SDK2: variants seen among roughly 807,000 people sequenced by gnomAD.
SDK2 encodes the protein protein sidekick-2.
Under a neutral mutation model 253.9 loss-of-function variants are expected in SDK2, and 105 were observed. The ratio of observed to expected loss-of-function variants is 0.41; its 90% CI spans 0.35 to 0.49. The LOEUF is 0.49. Ranked by LOEUF, SDK2 falls within the 20% of genes least tolerant of loss-of-function variation. The pLI is 0.06. For synonymous variants in SDK2, 1,249 were observed against 1,234.9 expected (o/e 1.01, Z -0.24); for missense variants, 2,608 against 3,003.0 (o/e 0.87, Z 3.07).
chr17:73,574,418 T>TGAACATGTGTACGTGCAC (rs139534026), intron 1 of SDK2, among the ~76,000 whole-genome samples: 25,855 of 152,250 alleles, frequency 0.17, 2,332 homozygotes, highest in African/African-American at 0.19. Flanking sequence ...ATCACGTGCA[T>TGAACATGTGTACGTGCAC]GCACATGTGT....
At chr17:73,417,737 C>A (rs150488039) in intron 16 of SDK2, among the ~76,000 whole-genome samples, 1 of 152,060 alleles carries the variant, frequency 6.6e-6, no homozygotes, top group Non-Finnish European at 1.5e-5. Flanking sequence ...GAAAGTTACT[C>A]GCCCAGGTGG....
intron 1 of SDK2, among the ~76,000 whole-genome samples, chr17:73,626,874 G>A (rs930133845): frequency 1.3e-5 from 2 of 152,208 alleles, no homozygotes; most frequent in African/African-American, 2.4e-5. Flanking sequence ...TGGACCTGCT[G>A]TGCTGAGGAC....
At chr17:73,351,490 C>G in intron 41 of SDK2, among the ~76,000 whole-genome samples, 1 of 152,038 alleles carries the variant, frequency 6.6e-6, no homozygotes. Context: ...AGGTGCTTCT[C>G]TGGCCTGCAG....
rs2063317297 is a variant in SDK2 at position 73,430,458 on chromosome 17, T to C, written c.1583+53A>G. ...TGGACACTCGCCCAGCTACAAGCTA[T>C]TGCCAGAGGCTCCCCCTCCCCTCTT... On this transcript the variant is annotated intron_variant, in intron 12 of 44. Transcript: ENST00000392650. The C allele has an allele frequency of 2.2e-6, 3 of 1,357,732 alleles. No individual in the cohort carries two copies. The South Asian group carries it at 3.7e-5, about 17-fold the overall frequency. 84.1% of individuals were successfully genotyped at this position (1,357,732 alleles called of 1,614,324 possible).
intron 2 of SDK2, among the ~76,000 whole-genome samples, chr17:73,486,576 C>T (rs2063770726): frequency 7.1e-6 from 1 of 141,398 alleles, no homozygotes; most frequent in East Asian, 2.1e-4. Flanking sequence ...CACCACTGCA[C>T]TACAGCCTGA....
chr17:73,542,635 G>A (rs928303709), intron 1 of SDK2, among the ~76,000 whole-genome samples: 37 of 152,176 alleles, frequency 2.4e-4, no homozygotes, highest in Non-Finnish European at 4.7e-4. Context: ...TTATGAGGCA[G>A]CAAGGGGAGA....
chr17:73,502,679 G>A (rs899066320), intron 2 of SDK2, among the ~76,000 whole-genome samples: 1 of 151,580 alleles, frequency 6.6e-6, no homozygotes, highest in African/African-American at 2.4e-5. Flanking sequence ...TGCCACCTAA[G>A]TAAAAGGAAT....
intron 8 of SDK2, among the ~76,000 whole-genome samples, chr17:73,437,474 G>T (rs1296619652): frequency 6.6e-6 from 1 of 151,978 alleles, no homozygotes; most frequent in Non-Finnish European, 1.5e-5. Flanking sequence ...GGGAAATTTG[G>T]GTCTGTCACC....
At chr17:73,473,637 A>T (rs1005057930) in intron 2 of SDK2, among the ~76,000 whole-genome samples, 1 of 152,240 alleles carries the variant, frequency 6.6e-6, no homozygotes, top group Non-Finnish European at 1.5e-5. Flanking sequence ...TCTTGCCAAG[A>T]ATAAAACAAC....
chr17:73,393,873 C>G, intron 26 of SDK2, 124 bp from the exon 27 acceptor site: 2 of 752,094 alleles, frequency 2.7e-6, no homozygotes, highest in South Asian at 5.5e-5. Context: ...CAGACCAGGG[C>G]TGGACCATGT....
intron 15 of SDK2, among the ~76,000 whole-genome samples, chr17:73,421,349 C>CATG (rs1164498146): frequency 6.6e-6 from 1 of 152,288 alleles, no homozygotes; most frequent in East Asian, 1.9e-4. Context: ...GCAAAACCAC[C>CATG]ATGATTGATT....
At chr17:73,457,709 G>A (rs56262103) in intron 3 of SDK2, among the ~76,000 whole-genome samples, 3,559 of 152,032 alleles carry the variant, frequency 0.023, 57 homozygotes, top group South Asian at 0.041. Flanking sequence ...ATTCCCACGT[G>A]CAGAAAGATT....
intron 18 of SDK2, among the ~76,000 whole-genome samples, chr17:73,403,904 T>A (rs1162031844): frequency 6.7e-6 from 1 of 150,188 alleles, no homozygotes; most frequent in African/African-American, 2.4e-5. Flanking sequence ...TTTAATGTTT[T>A]AATTTAATTT....
intron 1 of SDK2, among the ~76,000 whole-genome samples, chr17:73,560,024 G>A (rs2045208405): frequency 6.6e-6 from 1 of 152,172 alleles, no homozygotes; most frequent in Non-Finnish European, 1.5e-5. Context: ...ACCACGGGAA[G>A]CGGGTCTATG....
chr17:73,597,649 CTTTT>C (rs762635491), intron 1 of SDK2, among the ~76,000 whole-genome samples: 1 of 142,434 alleles, frequency 7.0e-6, no homozygotes. Context: ...ATTTTCTTTT[CTTTT>C]TTTTTTTTTT....
At chr17:73,566,862 C>T (rs1003193065) in intron 1 of SDK2, among the ~76,000 whole-genome samples, 7 of 146,714 alleles carry the variant, frequency 4.8e-5, no homozygotes, top group Non-Finnish European at 9.0e-5. Flanking sequence ...TTAAATTTAA[C>T]ACTTATAATT....
intron 37 of SDK2, among the ~76,000 whole-genome samples, chr17:73,365,965 C>T (rs1048480375): frequency 3.9e-5 from 6 of 152,116 alleles, no homozygotes; most frequent in Admixed American, 6.5e-5. Context: ...AATGTTTTCT[C>T]GGACCAAGAA....
chr17:73,472,936 C>T lies in SDK2; in HGVS notation c.225-718G>A, dbSNP rs551345853. 4.5e-4 allele frequency among the ~76,000 whole-genome samples: 68 copies of T among 152,340 alleles called. No homozygotes were observed. The South Asian group carries it at 6.8e-3, about 15-fold the overall frequency. On this transcript the variant is annotated intron_variant, in intron 2 of 44. Coordinates refer to ENST00000392650, the MANE Select transcript of SDK2 (RefSeq NM_001144952.2). Reference sequence around the variant, plus strand: ...ATGTGATTTGCTCCTCCTTGCCTTCCGCTATGACTGTGAGGGCTCCCCAGC... The same window carrying T: ...ATGTGATTTGCTCCTCCTTGCCTTCTGCTATGACTGTGAGGGCTCCCCAGC...
At chr17:73,392,906 C>A in intron 27 of SDK2, among the ~76,000 whole-genome samples, 1 of 152,122 alleles carries the variant, frequency 6.6e-6, no homozygotes, top group Non-Finnish European at 1.5e-5. Flanking sequence ...AGGAAAAATA[C>A]TTTCACAGAC....
Sources: allele counts gnomAD v4.1 joint callset (sites outside exome capture counted in the v4.1 genomes callset), GRCh38; gene constraint gnomAD v4.1.1; transcripts MANE v1.5; gene names NCBI Gene and HGNC (gene_info 2026-07-23, HGNC 2026-07-21).